CACNA1C: variants seen among roughly 807,000 people sequenced by gnomAD.
CACNA1C encodes the protein voltage-dependent L-type calcium channel subunit alpha-1C.
CACNA1C carries 30 observed loss-of-function variants against 229.0 expected under a neutral mutation model. The observed-to-expected ratio is 0.13, with a 90% CI of 0.10 to 0.18. The LOEUF (loss-of-function observed/expected upper bound fraction) is 0.18. CACNA1C is among the 10% of genes least tolerant of loss of function. The pLI is 1.00. For missense variants in CACNA1C, 1,658 were observed against 2,845.0 expected (o/e 0.58, Z 9.49); for synonymous variants, 1,114 against 1,132.5 (o/e 0.98, Z 0.33).
intron 34 of CACNA1C, among the ~76,000 whole-genome samples, chr12:2,658,703 T>C (rs2095547915): frequency 6.6e-6 from 1 of 152,150 alleles, no homozygotes; most frequent in Non-Finnish European, 1.5e-5. Context: ...ATTGTTATCA[T>C]AGGAGATGAC....
At chr12:2,658,017 G>C (rs1894980) in intron 34 of CACNA1C, among the ~76,000 whole-genome samples, 85,442 of 150,242 alleles carry the variant, frequency 0.57, 27,863 homozygotes, top group Non-Finnish European at 0.72. Flanking sequence ...CACACACACA[G>C]TGGAAGATTT....
At chr12:2,269,541 C>G (rs1378820567) in intron 3 of CACNA1C, among the ~76,000 whole-genome samples, 1 of 152,184 alleles carries the variant, frequency 6.6e-6, no homozygotes, top group Non-Finnish European at 1.5e-5. Context: ...TGATTATCTA[C>G]TTAGGACAGG....
intron 37 of CACNA1C, 159 bp from the exon 38 acceptor site, chr12:2,668,774 C>T (rs1310583326): frequency 1.6e-6 from 1 of 619,340 alleles, no homozygotes; most frequent in Non-Finnish European, 2.9e-6. Context: ...ATGATGCAAT[C>T]ACCTTCCATC....
intron 18 of CACNA1C, 137 bp downstream of exon 18, chr12:2,586,041 C>G (rs2153232883): frequency 1.9e-6 from 1 of 536,826 alleles, no homozygotes; most frequent in South Asian, 3.4e-5. Context: ...TGCTGAGTGT[C>G]TTCTATCTCT....
chr12:2,295,633 T>TTTAAGTAA, intron 3 of CACNA1C, among the ~76,000 whole-genome samples: 1 of 152,362 alleles, frequency 6.6e-6, no homozygotes, highest in South Asian at 2.1e-4. Context: ...GATAATGGTT[T>TTTAAGTAA]TTAAGTAATA....
chr12:2,434,144 A>G (rs759465522), intron 3 of CACNA1C, among the ~76,000 whole-genome samples: 31 of 151,858 alleles, frequency 2.0e-4, no homozygotes, highest in Non-Finnish European at 3.4e-4. Context: ...CTCACTTCAC[A>G]CTGTTCTTTG....
At chr12:2,545,710 A>G (rs1454921322) in intron 9 of CACNA1C, among the ~76,000 whole-genome samples, 1 of 152,252 alleles carries the variant, frequency 6.6e-6, no homozygotes, top group African/African-American at 2.4e-5. Flanking sequence ...TCAATACCAA[A>G]TGGCAAATTC....
intron 3 of CACNA1C, among the ~76,000 whole-genome samples, chr12:2,180,764 A>G (rs1177558838): frequency 2.0e-5 from 3 of 152,112 alleles, no homozygotes; most frequent in Non-Finnish European, 4.4e-5. Flanking sequence ...AATCTCTTAA[A>G]GTATAGTTTT....
intron 7 of CACNA1C, among the ~76,000 whole-genome samples, chr12:2,496,770 T>A (rs1386112657): frequency 3.3e-5 from 5 of 152,216 alleles, no homozygotes; most frequent in Non-Finnish European, 4.4e-5. Context: ...AATATCCTGT[T>A]TGAGGAGTGT....
intron 1 of CACNA1C, among the ~76,000 whole-genome samples, chr12:2,012,130 T>G (rs11062066): frequency 0.053 from 8,027 of 152,262 alleles, 248 homozygotes; most frequent in Middle Eastern, 0.088. Flanking sequence ...TAAACTAACC[T>G]TAAGTCCAAG....
intron 14 of CACNA1C, 115 bp downstream of exon 14, chr12:2,581,912 C>A (rs1324867591): frequency 1.1e-5 from 7 of 618,428 alleles, no homozygotes; most frequent in Admixed American, 2.7e-5. Context: ...CCTAGATCAG[C>A]CCTGGAGAGC....
chr12:2,003,673 G>C (rs2042698122), intron 1 of CACNA1C, among the ~76,000 whole-genome samples: 1 of 152,168 alleles, frequency 6.6e-6, no homozygotes, highest in Non-Finnish European at 1.5e-5. Context: ...ATCGAACTTG[G>C]TGTGCTGCCG....
In CACNA1C at chr12:2,253,230, G is replaced by A. The variant is rs558360579; in HGVS notation, c.477+132800G>A. On this transcript the variant is annotated intron_variant, in intron 3 of 46. Coordinates refer to ENST00000399655, the MANE Select transcript of CACNA1C (RefSeq NM_000719.7). Reference sequence around the variant, plus strand: ...ATGGTCTCACCTTCTGGCAGGGTAAGTACATTTAATAGTGGTTGAAATATT... The same window carrying A: ...ATGGTCTCACCTTCTGGCAGGGTAAATACATTTAATAGTGGTTGAAATATT... 2.6e-5 allele frequency among the ~76,000 whole-genome samples: 4 copies of A among 152,330 alleles called. No homozygotes were observed. In the East Asian group the frequency reaches 7.7e-4, roughly 29 times the overall value.
At chr12:2,180,563 A>C (rs1184438534) in intron 3 of CACNA1C, among the ~76,000 whole-genome samples, 1 of 152,158 alleles carries the variant, frequency 6.6e-6, no homozygotes, top group East Asian at 1.9e-4. Context: ...TTTAGATATA[A>C]GTTTGGGGCA....
intron 1 of CACNA1C, among the ~76,000 whole-genome samples, chr12:1,976,977 T>C (rs1448512616): frequency 6.6e-6 from 1 of 152,156 alleles, no homozygotes; most frequent in Non-Finnish European, 1.5e-5. Flanking sequence ...GGAACTACTA[T>C]TTGCGACTAT....
At chr12:2,159,765 T>C (rs2095752249) in intron 3 of CACNA1C, among the ~76,000 whole-genome samples, 1 of 152,162 alleles carries the variant, frequency 6.6e-6, no homozygotes, top group African/African-American at 2.4e-5. Flanking sequence ...CCATTACGCC[T>C]GGCTAATCTT....
In CACNA1C at chr12:2,216,478, A is replaced by G. The variant is rs79638909; in HGVS notation, c.477+96048A>G. On this transcript the variant is annotated intron_variant, in intron 3 of 46. Coordinates refer to ENST00000399655, the MANE Select transcript of CACNA1C (RefSeq NM_000719.7). ...TTGGAATGCAATCAGTCAAACAACT[A>G]GGGCAATTGACTGGTTATCAAACCC... Among the ~76,000 whole-genome samples, 1,376 of 152,306 alleles carry G rather than the reference A, an allele frequency of 9.0e-3. 17 individuals are homozygous for G. Among genetic ancestry groups the G allele is most frequent in the African/African-American group, 0.031 (1,301 of 41,558 alleles).
At chr12:2,065,365 A>C (rs2058944765) in intron 1 of CACNA1C, among the ~76,000 whole-genome samples, 1 of 152,238 alleles carries the variant, frequency 6.6e-6, no homozygotes, top group Non-Finnish European at 1.5e-5. Flanking sequence ...TATCTCTGAA[A>C]ATGAACTGTC....
In CACNA1C at chr12:2,577,618, C is replaced by T. The variant is rs189436952; in HGVS notation, c.1896-3972C>T. 2.1e-3 allele frequency among the ~76,000 whole-genome samples: 326 copies of T among 152,352 alleles called. 1 individual carries two copies. The highest frequency in any genetic ancestry group is 3.2e-3 in the Non-Finnish European group (221 of 68,028). Reference sequence around the variant, plus strand: ...AAAGTGTGTTCAACTTAAGTGCACACGCACACAAACACACATGCACAGAAG... The same window carrying T: ...AAAGTGTGTTCAACTTAAGTGCACATGCACACAAACACACATGCACAGAAG... On this transcript the variant is annotated intron_variant, in intron 13 of 46. Transcript: ENST00000399655.
Sources: gnomAD v4.1 joint callset for allele counts (sites outside exome capture counted in the v4.1 genomes callset) on GRCh38, gnomAD v4.1.1 for gene constraint, MANE v1.5 for transcripts, NCBI Gene and HGNC (gene_info 2026-07-23, HGNC 2026-07-21) for gene names.